The following IL2RA variants were observed in gnomAD, a reference collection of about 807,000 sequenced individuals.
IL2RA encodes the protein interleukin 2 receptor subunit alpha.
IL2RA carries 24 observed loss-of-function variants against 37.8 expected under a neutral mutation model. The observed-to-expected ratio is 0.63, with a 90% confidence interval of 0.46 to 0.89. IL2RA has a LOEUF of 0.89. Among genes scored for constraint, IL2RA ranks in the 40% least tolerant of loss-of-function variants. The pLI is 0.00. For missense variants in IL2RA, 319 were observed against 348.6 expected (o/e 0.92, Z 0.68); for synonymous variants, 125 against 114.6 (o/e 1.09, Z -0.58).
Position 6,025,748 on chromosome 10 carries a change from A to T in IL2RA, c.256+86T>A. On this transcript the variant is annotated intron_variant, in intron 2 of 7. Coordinates refer to ENST00000379959, the MANE Select transcript of IL2RA (RefSeq NM_000417.3). The surrounding 1 kb of genome is among the most constrained non-coding windows in gnomAD (Gnocchi z 4.4). ...AGACTGGACTGGCCCATTTGTGTCT[A>T]TAGGGCTGAGTGAACAAAAGCTGGG... 7.7e-7 allele frequency: 1 copy of T among 1,299,784 alleles called. No individual in the cohort carries two copies. 80.5% of individuals were successfully genotyped at this position (1,299,784 alleles called of 1,614,324 possible).
chr10:6,032,567 C>T (rs1839615657), intron 1 of IL2RA, among the ~76,000 whole-genome samples: 1 of 151,980 alleles, frequency 6.6e-6, no homozygotes, highest in African/African-American at 2.4e-5. Context: ...GTGGTGTGCG[C>T]CTGTAGTCCC....
intron 2 of IL2RA, among the ~76,000 whole-genome samples, chr10:6,024,763 C>T (rs570060577): frequency 6.6e-6 from 1 of 152,356 alleles, no homozygotes; most frequent in East Asian, 1.9e-4. Flanking sequence ...CACTCCACAA[C>T]ACACTGATCC....
Position 6,015,373 on chromosome 10 carries a change from G to A in IL2RA, c.795-2477C>T, listed in dbSNP as rs562284697. ...CTCCCAAAGTGCTGGGATTACAAGC[G>A]TGAGTCTGGCCAGCTTCCCTGATTC... On this transcript the variant is annotated intron_variant, in intron 7 of 7. Transcript: ENST00000379959. The surrounding 1 kb of genome is among the most constrained non-coding windows in gnomAD (Gnocchi z 4.9). Among the ~76,000 whole-genome samples the A allele has an allele frequency of 2.4e-4, 36 of 152,266 alleles. No individual in the cohort carries two copies. Among genetic ancestry groups the A allele is most frequent in the African/African-American group, 7.2e-4 (30 of 41,546 alleles).
intron 1 of IL2RA, among the ~76,000 whole-genome samples, chr10:6,045,341 GGATCTAGT>G (rs1839833376): frequency 6.6e-6 from 1 of 152,106 alleles, no homozygotes; most frequent in African/African-American, 2.4e-5. Flanking sequence ...TGGGGTGGAG[GGATCTAGT>G]TATTTTGTCT....
rs747799216 is a variant in IL2RA at position 6,012,927 on chromosome 10, T to C, written c.795-31A>G. On this transcript the variant is annotated intron_variant, in intron 7 of 7. Coordinates refer to ENST00000379959, the MANE Select transcript of IL2RA (RefSeq NM_000417.3). This position sits in a 1 kb window ranked among gnomAD's most constrained non-coding sequence, Gnocchi z 4.8. Reference sequence around the variant, plus strand: ...GTGGTGTAACAAAGTCACGGTCATATGTGTAACACGGCACCAAAAAAATGT... The same window carrying C: ...GTGGTGTAACAAAGTCACGGTCATACGTGTAACACGGCACCAAAAAAATGT... 4.3e-6 allele frequency: 7 copies of C among 1,611,686 alleles called. 1 individual carries two copies. In the African/African-American group the frequency reaches 6.7e-5, roughly 15 times the overall value.
intron 1 of IL2RA, among the ~76,000 whole-genome samples, chr10:6,053,950 G>C (rs12722631): frequency 9.9e-5 from 15 of 152,250 alleles, no homozygotes; most frequent in Admixed American, 3.3e-4. Context: ...GGGCCAGCGA[G>C]CTCATCCGGC....
At chr10:6,019,404 C>T (rs1299412857) in intron 6 of IL2RA, 24 bp downstream of exon 6, 2 of 1,561,354 alleles carry the variant, frequency 1.3e-6, no homozygotes, top group Admixed American at 1.7e-5. Flanking sequence ...TACATTTTGT[C>T]CACAAAGCCA....
In IL2RA at chr10:6,062,227, T is replaced by A. The variant is rs1840132970; in HGVS notation, c.-76A>T. 2 of 1,303,226 alleles carry A rather than the reference T, an allele frequency of 1.5e-6. No individual in the cohort carries two copies. Among genetic ancestry groups the A allele is most frequent in the Admixed American group, 1.7e-5 (1 of 59,110 alleles). 80.7% of individuals were successfully genotyped at this position (1,303,226 alleles called of 1,614,324 possible). A position where few individuals can be genotyped will look rare whatever the true frequency, so the allele number is the denominator to read the frequency against. ...GCAGAAGGCCCAGTTGCCGTCAGCC[T>A]CTTTTTGGCATCGCGCCGGAGGATG... is the stretch of plus-strand genomic sequence containing the variant. On this transcript the variant is annotated 5_prime_UTR_variant, in exon 1 of 8. Transcript: ENST00000379959.
Position 6,033,048 on chromosome 10 carries a change from G to T in IL2RA, c.65-7023C>A, listed in dbSNP as rs1334341961. Among the ~76,000 whole-genome samples the T allele has an allele frequency of 6.6e-6, 1 of 152,184 alleles. No individual in the cohort carries two copies. Among genetic ancestry groups the T allele is most frequent in the African/African-American group, 2.4e-5 (1 of 41,454 alleles). Reference sequence around the variant, plus strand: ...CCAGAACTCTCTTATGTTACTGGTGGCAGTGTAAGTAATGTAATTACTTTG... The same window carrying T: ...CCAGAACTCTCTTATGTTACTGGTGTCAGTGTAAGTAATGTAATTACTTTG... On this transcript the variant is annotated intron_variant, in intron 1 of 7. Transcript: ENST00000379959. The surrounding 1 kb of genome is among the most constrained non-coding windows in gnomAD (Gnocchi z 4.3).
Position 6,021,368 on chromosome 10 carries a change from G to A in IL2RA, c.583+110C>T, listed in dbSNP as rs796853206. ...AAAAATGGAAGCCCAGGGAGATCAA[G>A]GGTCTTGTCCAAGGACCACTCTTGT... is the stretch of plus-strand genomic sequence containing the variant. On this transcript the variant is annotated intron_variant, in intron 4 of 7. Coordinates refer to ENST00000379959, the MANE Select transcript of IL2RA (RefSeq NM_000417.3). The surrounding 1 kb of genome is among the most constrained non-coding windows in gnomAD (Gnocchi z 4.9). 50 of 930,400 alleles carry A rather than the reference G, an allele frequency of 5.4e-5. No homozygotes were observed. The African/African-American group carries it at 6.8e-4, about 13-fold the overall frequency. 57.6% of individuals were successfully genotyped at this position (930,400 alleles called of 1,614,324 possible). A position where few individuals can be genotyped will look rare whatever the true frequency, so the allele number is the denominator to read the frequency against.
Position 6,014,946 on chromosome 10 carries a change from G to A in IL2RA, c.795-2050C>T, listed in dbSNP as rs1463085220. On this transcript the variant is annotated intron_variant, in intron 7 of 7. Transcript: ENST00000379959. This position sits in a 1 kb window ranked among gnomAD's most constrained non-coding sequence, Gnocchi z 4.4. Reference sequence around the variant, plus strand: ...GCTTTGGTTTTGGGGGAGTGGATCTGTATTTTCTCAGGGTCTTACTGTGGA... The same window carrying A: ...GCTTTGGTTTTGGGGGAGTGGATCTATATTTTCTCAGGGTCTTACTGTGGA... Among the ~76,000 whole-genome samples, 2 of 152,150 alleles carry A rather than the reference G, an allele frequency of 1.3e-5. No individual in the cohort carries two copies. The highest frequency in any genetic ancestry group is 2.9e-5 in the Non-Finnish European group (2 of 68,022).
chr10:6,039,344 A>G (rs1392399622), intron 1 of IL2RA: 1 of 152,264 alleles, frequency 6.6e-6, no homozygotes, highest in East Asian at 1.9e-4. Context: ...ACCCAATAAC[A>G]TAACTTCAAA....
intron 1 of IL2RA, among the ~76,000 whole-genome samples, chr10:6,043,997 G>C (rs2132884780): frequency 6.6e-6 from 1 of 152,316 alleles, no homozygotes; most frequent in South Asian, 2.1e-4. Flanking sequence ...CTGTGGATGT[G>C]GAACTTTATC....
In IL2RA at chr10:6,054,364, G is replaced by A. The variant is rs1457160648; in HGVS notation, c.64+7724C>T. 6.6e-6 allele frequency among the ~76,000 whole-genome samples: 1 copy of A among 152,178 alleles called. No homozygotes were observed. The highest frequency in any genetic ancestry group is 1.5e-5 in the Non-Finnish European group (1 of 68,034). ...CTTTGGCTGCCATCCAGGGTCATGT[G>A]GTGCTGGTGATAAGTGATCAGTGAC... On this transcript the variant is annotated intron_variant, in intron 1 of 7. Transcript: ENST00000379959. This position sits in a 1 kb window ranked among gnomAD's most constrained non-coding sequence, Gnocchi z 4.5.
rs963109943 is a variant in IL2RA, at chr10:6,022,430, A to G, written c.368-737T>C. 2.0e-5 allele frequency among the ~76,000 whole-genome samples: 3 copies of G among 152,230 alleles called. No homozygotes were observed. Among genetic ancestry groups the G allele is most frequent in the Admixed American group, 1.3e-4 (2 of 15,306 alleles). ...TGAGACCATGTCTTGTTCTGATTAA[A>G]TCTCTGAATTCCCCACCCACAGCCC... On this transcript the variant is annotated intron_variant, in intron 3 of 7. Transcript: ENST00000379959. This position sits in a 1 kb window ranked among gnomAD's most constrained non-coding sequence, Gnocchi z 4.7.
intron 1 of IL2RA, among the ~76,000 whole-genome samples, chr10:6,031,338 A>C (rs1382804670): frequency 1.3e-5 from 2 of 150,842 alleles, no homozygotes; most frequent in Non-Finnish European, 3.0e-5. Context: ...CAGGAAGTAG[A>C]TTTCAAGATA....
intron 1 of IL2RA, among the ~76,000 whole-genome samples, chr10:6,043,182 T>C (rs1294593508): frequency 6.6e-6 from 1 of 152,212 alleles, no homozygotes; most frequent in Non-Finnish European, 1.5e-5. Context: ...AATGTAATAA[T>C]GTACAGTTGT....
chr10:6,044,722 G>A lies in IL2RA; in HGVS notation c.64+17366C>T, dbSNP rs1193578660. 1.3e-5 allele frequency among the ~76,000 whole-genome samples: 2 copies of A among 152,204 alleles called. No homozygotes were observed. Among genetic ancestry groups the A allele is most frequent in the Non-Finnish European group, 2.9e-5 (2 of 68,038 alleles). ...AGAGATATAAAATTTATGTATGCAT[G>A]TGACCAGAGGAAAAAATAAGACAGT... is the stretch of plus-strand genomic sequence containing the variant. On this transcript the variant is annotated intron_variant, in intron 1 of 7. Transcript: ENST00000379959. The surrounding 1 kb of genome is among the most constrained non-coding windows in gnomAD (Gnocchi z 4.5).
chr10:6,031,442 GTATATATATATACA>G lies in IL2RA; in HGVS notation c.65-5431_65-5418del, dbSNP rs71390112. Among the ~76,000 whole-genome samples, 127 of 54,024 alleles carry G rather than the reference GTATATATATATACA, an allele frequency of 2.4e-3. 5 individuals carry two copies. The East Asian group carries it at 0.041, about 18-fold the overall frequency. The allele number at this position is 54,024 out of a possible 152,430, so 35.4% of individuals were successfully genotyped here. ...AGAATTTAGCAAGTTAGCAATTTCA[GTATATATATATACA>G]TATATATATATATATATATATATAT... On this transcript the variant is annotated intron_variant, in intron 1 of 7. Transcript: ENST00000379959.
Sources: allele counts gnomAD v4.1 joint callset (sites outside exome capture counted in the v4.1 genomes callset), GRCh38; gene constraint gnomAD v4.1.1; non-coding constraint Gnocchi (gnomAD v3.1); transcripts MANE v1.5; gene names NCBI Gene and HGNC (gene_info 2026-07-23, HGNC 2026-07-21).